Variants in CDK14 observed in about 807,000 individuals in gnomAD.
CDK14 encodes the protein cyclin dependent kinase 14.
In CDK14, 34 loss-of-function variants were observed where a neutral mutation model predicts 60.7. The observed-to-expected ratio is 0.56, with a 90% CI of 0.43 to 0.75. CDK14 has a LOEUF of 0.75. Ranked by LOEUF, CDK14 falls within the 30% of genes least tolerant of loss-of-function variation. The probability of loss-of-function intolerance (pLI) is 0.00; values close to 1 mark genes in which losing one functional copy is unlikely to be tolerated. For synonymous variants in CDK14, 197 were observed against 203.7 expected (o/e 0.97, Z 0.28); for missense variants, 482 against 564.1 (o/e 0.85, Z 1.47).
At chr7:90,603,987 G>T (rs1392209983) in intron 1 of CDK14, among the ~76,000 whole-genome samples, 2 of 152,204 alleles carry the variant, frequency 1.3e-5, no homozygotes, top group African/African-American at 2.4e-5. Context: ...TATCTGGGAG[G>T]ATAGTTCTAT....
chr7:90,974,803 A>T (rs1416972803), intron 9 of CDK14, among the ~76,000 whole-genome samples: 1 of 152,156 alleles, frequency 6.6e-6, no homozygotes, highest in Non-Finnish European at 1.5e-5. Flanking sequence ...ATTAATCCAT[A>T]TTTAGTTGAA....
intron 6 of CDK14, among the ~76,000 whole-genome samples, chr7:90,885,375 G>A (rs922772569): frequency 5.3e-5 from 8 of 152,100 alleles, no homozygotes; most frequent in African/African-American, 1.4e-4. Context: ...AAACCACAAC[G>A]AGATACCATC....
intron 2 of CDK14, among the ~76,000 whole-genome samples, chr7:90,688,573 G>A (rs971182768): frequency 6.6e-6 from 1 of 152,056 alleles, no homozygotes; most frequent in African/African-American, 2.4e-5. Context: ...GTAATTAATG[G>A]GCAATGACAG....
chr7:91,037,473 C>T (rs1382506379), intron 10 of CDK14, among the ~76,000 whole-genome samples: 1 of 152,136 alleles, frequency 6.6e-6, no homozygotes, highest in East Asian at 1.9e-4. Flanking sequence ...TGAAAAAAAC[C>T]TCATTCTGAT....
chr7:91,130,501 A>T (rs1054813529), intron 14 of CDK14, among the ~76,000 whole-genome samples: 1 of 152,154 alleles, frequency 6.6e-6, no homozygotes, highest in African/African-American at 2.4e-5. Flanking sequence ...ACACTGCTCT[A>T]TTTCACAAGT....
Position 90,786,996 on chromosome 7 carries a change from G to A in CDK14, c.465-3577G>A, listed in dbSNP as rs547984980. Among the ~76,000 whole-genome samples, 120 of 150,226 alleles carry A rather than the reference G, an allele frequency of 8.0e-4. 1 individual carries two copies. The highest frequency in any genetic ancestry group is 2.2e-3 in the African/African-American group (91 of 40,934). On this transcript the variant is annotated intron_variant, in intron 4 of 14. Coordinates refer to ENST00000380050, the MANE Select transcript of CDK14 (RefSeq NM_001287135.2). The stretch of plus-strand genomic sequence containing the variant: ...GTAGACTATTAAAAAATTTCTTAAC[G>A]TTATTTTTTCCACAGCTGTCTTTTC...
At chr7:91,049,362 G>A (rs998575034) in intron 11 of CDK14, among the ~76,000 whole-genome samples, 2 of 152,160 alleles carry the variant, frequency 1.3e-5, no homozygotes, top group African/African-American at 4.8e-5. Context: ...AAAAGCCCAT[G>A]GTGTTTTTAG....
chr7:90,837,251 C>T (rs1790135273), intron 5 of CDK14, among the ~76,000 whole-genome samples: 1 of 151,310 alleles, frequency 6.6e-6, no homozygotes, highest in Admixed American at 6.6e-5. Context: ...TGCTACACTT[C>T]TGCAAAATAT....
rs1315121232 is a variant in CDK14, at chr7:90,681,195, C to T, written c.124-45372C>T. On this transcript the variant is annotated intron_variant, in intron 2 of 14. Transcript: ENST00000380050. Reference sequence around the variant, plus strand: ...ACACACGTTTCAAACTATTATATATCGCCTGGCACCAGATGTTTTTGCTTT... The same window carrying T: ...ACACACGTTTCAAACTATTATATATTGCCTGGCACCAGATGTTTTTGCTTT... Among the ~76,000 whole-genome samples, 19 of 152,216 alleles carry T rather than the reference C, an allele frequency of 1.2e-4. 2 individuals are homozygous for T. The highest frequency in any genetic ancestry group is 2.6e-4 in the African/African-American group (11 of 41,534).
At chr7:90,726,928 TC>T in intron 3 of CDK14, 116 bp downstream of exon 3, 1 of 1,246,338 alleles carries the variant, frequency 8.0e-7, no homozygotes, top group Non-Finnish European at 1.1e-6. Flanking sequence ...ATGCATTCTC[TC>T]CCAGGGTGGT....
In CDK14 at chr7:91,056,959, T is replaced by C. The variant is rs1797591450; in HGVS notation, c.1105+10999T>C. On this transcript the variant is annotated intron_variant, in intron 11 of 14. Transcript: ENST00000380050. Reference sequence around the variant, plus strand: ...TGGCTGGGTCAAATGGTATTTCTAGTTCCAGATCCCTGAGGAATTGCCACA... The same window carrying C: ...TGGCTGGGTCAAATGGTATTTCTAGCTCCAGATCCCTGAGGAATTGCCACA... 2.0e-5 allele frequency among the ~76,000 whole-genome samples: 3 copies of C among 152,162 alleles called. No homozygotes were observed. The South Asian group carries it at 6.2e-4, about 32-fold the overall frequency.
intron 3 of CDK14, among the ~76,000 whole-genome samples, chr7:90,734,834 C>T (rs182534579): frequency 3.9e-5 from 6 of 152,206 alleles, no homozygotes; most frequent in Admixed American, 6.5e-5. Context: ...ACTCATTCTC[C>T]GTCTGGTTTT....
At chr7:91,007,797 AAAC>A (rs1796022299) in intron 10 of CDK14, among the ~76,000 whole-genome samples, 2 of 152,200 alleles carry the variant, frequency 1.3e-5, no homozygotes, top group African/African-American at 4.8e-5. Context: ...AGGAAAAAAA[AAAC>A]AAAAATCCTG....
At chr7:91,180,058 A>G (rs1320430760) in intron 14 of CDK14, among the ~76,000 whole-genome samples, 1 of 152,240 alleles carries the variant, frequency 6.6e-6, no homozygotes, top group African/African-American at 2.4e-5. Flanking sequence ...ATAAAATTCT[A>G]TAAGGGAAGT....
intron 10 of CDK14, among the ~76,000 whole-genome samples, chr7:90,995,761 T>C (rs1435008141): frequency 7.3e-6 from 1 of 137,414 alleles, no homozygotes; most frequent in Non-Finnish European, 1.6e-5. Context: ...TGGTTGTTTT[T>C]GCTCTGATTC....
At chr7:91,046,044 C>G (rs910567304) in intron 11 of CDK14, 84 bp downstream of exon 11, 11 of 875,848 alleles carry the variant, frequency 1.3e-5, no homozygotes, top group Non-Finnish European at 1.7e-5. Context: ...AGCAATATAC[C>G]ACCTTGAAAA....
chr7:91,190,209 A>G (rs1008844494), intron 14 of CDK14, among the ~76,000 whole-genome samples: 1 of 152,196 alleles, frequency 6.6e-6, no homozygotes. Flanking sequence ...ACACAGGCTG[A>G]GGCCTCATCT....
At chr7:91,019,168 G>T (rs953631037) in intron 10 of CDK14, among the ~76,000 whole-genome samples, 19 of 152,200 alleles carry the variant, frequency 1.2e-4, no homozygotes, top group Admixed American at 1.2e-3. Context: ...AGAAGAATTT[G>T]CTGTTCTTGT....
chr7:90,883,632 C>T (rs1201722749), intron 6 of CDK14, among the ~76,000 whole-genome samples: 1 of 152,098 alleles, frequency 6.6e-6, no homozygotes, highest in East Asian at 1.9e-4. Flanking sequence ...AGATAAACAA[C>T]AAACACAGAA....
Sources: allele counts gnomAD v4.1 joint callset (sites outside exome capture counted in the v4.1 genomes callset), GRCh38; gene constraint gnomAD v4.1.1; transcripts MANE v1.5; gene names NCBI Gene and HGNC (gene_info 2026-07-23, HGNC 2026-07-21).